HEXA: variants seen among roughly 807,000 people sequenced by gnomAD.
HEXA encodes beta-hexosaminidase subunit alpha.
HEXA carries 54 observed loss-of-function variants against 73.3 expected under a neutral mutation model. The observed-to-expected ratio is 0.74, with a 90% CI of 0.59 to 0.92. The LOEUF (loss-of-function observed/expected upper bound fraction) is 0.92, where lower values mean the gene tolerates loss of function less well. Among genes scored for constraint, HEXA ranks in the 40% least tolerant of loss-of-function variants. The pLI, the probability that HEXA is intolerant of heterozygous loss-of-function variation, is 0.00. For missense variants in HEXA, 649 were observed against 653.0 expected (o/e 0.99, Z 0.07); for synonymous variants, 230 against 246.9 (o/e 0.93, Z 0.64).
At chr15:72,357,608 C>T (rs1427324790) in intron 1 of HEXA, 1 of 152,178 alleles carries the variant, frequency 6.6e-6, no homozygotes, top group Non-Finnish European at 1.5e-5. Context: ...CATATTCATC[C>T]CACTGGCATC....
chr15:72,350,767 G>C, intron 6 of HEXA, 117 bp from the exon 7 acceptor site: 15 of 1,131,806 alleles, frequency 1.3e-5, no homozygotes, highest in Non-Finnish European at 1.8e-5. Flanking sequence ...TAGCCCTTTG[G>C]TGTCAGGGAC....
At chr15:72,361,116 G>A (rs1466808591) in intron 1 of HEXA, among the ~76,000 whole-genome samples, 1 of 152,166 alleles carries the variant, frequency 6.6e-6, no homozygotes, top group Non-Finnish European at 1.5e-5. Flanking sequence ...TTTACTGAAT[G>A]CTTACTATGT....
intron 8 of HEXA, 131 bp from the exon 9 acceptor site, chr15:72,348,265 C>T (rs1401600501): frequency 4.2e-6 from 3 of 721,766 alleles, no homozygotes; most frequent in Admixed American, 2.1e-5. Context: ...ATCTCAGAAG[C>T]CCTACATGTG....
chr15:72,370,278 C>T (rs1173893964), intron 1 of HEXA: 1 of 202,726 alleles, frequency 4.9e-6, no homozygotes, highest in Non-Finnish European at 9.9e-6. Flanking sequence ...AGCAGGGGAA[C>T]ACCTACAGCT....
chr15:72,348,935 C>A, intron 8 of HEXA, 144 bp downstream of exon 8: 1 of 723,102 alleles, frequency 1.4e-6, no homozygotes, highest in South Asian at 1.5e-5. Context: ...CGTAGATGGG[C>A]AGAGGAAGGC....
At chr15:72,368,844 T>A (rs1255915866) in intron 1 of HEXA, among the ~76,000 whole-genome samples, 1 of 152,232 alleles carries the variant, frequency 6.6e-6, no homozygotes, top group Non-Finnish European at 1.5e-5. Context: ...TAATGTGGAA[T>A]CCTAGTTACA....
chr15:72,361,115 T>C (rs2140332266), intron 1 of HEXA, among the ~76,000 whole-genome samples: 1 of 152,348 alleles, frequency 6.6e-6, no homozygotes, highest in Admixed American at 6.5e-5. Flanking sequence ...ATTTACTGAA[T>C]GCTTACTATG....
chr15:72,346,099 G>A, intron 12 of HEXA, 136 bp downstream of exon 12: 1 of 693,218 alleles, frequency 1.4e-6, no homozygotes, highest in Admixed American at 2.2e-5. Flanking sequence ...TCTTCAGAAG[G>A]CTCGTTGCAC....
At chr15:72,350,115 C>T (rs1382830005) in intron 7 of HEXA, 14 of 285,470 alleles carry the variant, frequency 4.9e-5, no homozygotes, top group Admixed American at 9.5e-5. Flanking sequence ...TGTCATTTAA[C>T]CTGTGTTGGG....
intron 1 of HEXA, among the ~76,000 whole-genome samples, chr15:72,366,013 AC>A (rs1319495831): frequency 1.3e-5 from 2 of 151,942 alleles, no homozygotes; most frequent in African/African-American, 4.8e-5. Flanking sequence ...CACCTTGTAA[AC>A]CCTCTGAGAT....
intron 1 of HEXA, among the ~76,000 whole-genome samples, chr15:72,363,394 C>T (rs1160610044): frequency 6.6e-6 from 1 of 152,178 alleles, no homozygotes; most frequent in Non-Finnish European, 1.5e-5. Context: ...TTGAAGGGGA[C>T]CTCTGAGTGG....
At chr15:72,373,481 C>T (rs1021518065) in intron 1 of HEXA, among the ~76,000 whole-genome samples, 2 of 152,182 alleles carry the variant, frequency 1.3e-5, no homozygotes, top group African/African-American at 2.4e-5. Flanking sequence ...GTTCACCCAA[C>T]CCAGTTTTCA....
chr15:72,356,382 G>T, intron 2 of HEXA, 143 bp downstream of exon 2: 1 of 822,844 alleles, frequency 1.2e-6, no homozygotes, highest in Non-Finnish European at 2.0e-6. Flanking sequence ...CATCTTCCAT[G>T]GCTCTCAGCA....
At chr15:72,358,765 T>C (rs768402101) in intron 1 of HEXA, 2 of 152,248 alleles carry the variant, frequency 1.3e-5, no homozygotes, top group South Asian at 2.1e-4. Context: ...AGAGGGATGT[T>C]TGGGGGAGGC....
intron 13 of HEXA, among the ~76,000 whole-genome samples, chr15:72,344,490 C>G (rs1343170911): frequency 6.6e-6 from 1 of 152,186 alleles, no homozygotes; most frequent in Admixed American, 6.5e-5. Context: ...AGCCAATGCT[C>G]TTGGTCTACT....
At chr15:72,350,308 T>C (rs1010792031) in intron 7 of HEXA, 12 of 611,816 alleles carry the variant, frequency 2.0e-5, no homozygotes, top group Admixed American at 5.3e-5. Flanking sequence ...TGCCCTTACA[T>C]AGTCTAACAG....
chr15:72,373,437 T>C (rs2089018622), intron 1 of HEXA, among the ~76,000 whole-genome samples: 1 of 152,148 alleles, frequency 6.6e-6, no homozygotes, highest in African/African-American at 2.4e-5. Flanking sequence ...GGAAGAGCAA[T>C]AGAGAAAGAA....
chr15:72,362,776 A>T (rs961103590), intron 1 of HEXA, among the ~76,000 whole-genome samples: 3 of 152,170 alleles, frequency 2.0e-5, no homozygotes, highest in Non-Finnish European at 4.4e-5. Flanking sequence ...GGTAACCTGG[A>T]AACTATCAAT....
rs147279371 is a variant in HEXA, at chr15:72,355,004, T to A, written c.412+555A>T. ...TTTTAAAAAAACCTTTCCAATTACA[T>A]GTCTTTAGCAAGAGCTGGACAGACA... On this transcript the variant is annotated intron_variant, in intron 3 of 13. Transcript: ENST00000268097. 899 of 156,682 alleles carry A rather than the reference T, an allele frequency of 5.7e-3. 5 individuals carry two copies. Among genetic ancestry groups the A allele is most frequent in the Non-Finnish European group, 9.5e-3 (668 of 70,520 alleles). The allele number at this position is 156,682 out of a possible 1,614,324, so 9.7% of individuals were successfully genotyped here.
Sources: allele counts gnomAD v4.1 joint callset (sites outside exome capture counted in the v4.1 genomes callset), GRCh38; gene constraint gnomAD v4.1.1; transcripts MANE v1.5; gene names NCBI Gene and HGNC (gene_info 2026-07-23, HGNC 2026-07-21).